Variants in PIK3CA observed in about 807,000 individuals in gnomAD.
The protein encoded by PIK3CA is phosphatidylinositol 4,5-bisphosphate 3-kinase catalytic subunit alpha isoform.
Under a neutral mutation model 138.2 loss-of-function variants are expected in PIK3CA, and 27 were observed. The observed-to-expected ratio is 0.20, with a 90% CI of 0.14 to 0.27. The LOEUF (loss-of-function observed/expected upper bound fraction) is 0.27. Among genes scored for constraint, PIK3CA ranks in the 10% least tolerant of loss-of-function variants. The pLI is 1.00. For synonymous variants in PIK3CA, 358 were observed against 413.2 expected (o/e 0.87, Z 1.62); for missense variants, 544 against 1,277.4 (o/e 0.43, Z 8.75).
At chr3:179,189,941 A>G (rs983238147) in intron 1 of PIK3CA, among the ~76,000 whole-genome samples, 2 of 152,186 alleles carry the variant, frequency 1.3e-5, no homozygotes, top group Non-Finnish European at 2.9e-5. Context: ...CAGAGCTAGT[A>G]TATATTACAG....
At chr3:179,211,086 T>C (rs1274126590) in intron 9 of PIK3CA, among the ~76,000 whole-genome samples, 2 of 152,186 alleles carry the variant, frequency 1.3e-5, no homozygotes, top group Admixed American at 1.3e-4. Context: ...AAGTTAGGTA[T>C]GTCATGAATC....
chr3:179,166,481 T>C (rs1053372081), intron 1 of PIK3CA, among the ~76,000 whole-genome samples: 1 of 152,220 alleles, frequency 6.6e-6, no homozygotes, highest in African/African-American at 2.4e-5. Context: ...AAAAATAAAA[T>C]AATGCCTATT....
intron 6 of PIK3CA, among the ~76,000 whole-genome samples, chr3:179,205,221 T>A (rs1414628733): frequency 1.3e-5 from 2 of 149,930 alleles, no homozygotes; most frequent in Non-Finnish European, 3.0e-5. Context: ...ATATATATAT[T>A]TTACATCATT....
In PIK3CA at chr3:179,240,000, T is replaced by C. The variant is rs1420899454; in HGVS notation, c.*5636T>C. 9.1e-6 allele frequency: 14 copies of C among 1,543,778 alleles called. No individual in the cohort carries two copies. Among genetic ancestry groups the C allele is most frequent in the Non-Finnish European group, 1.2e-5 (14 of 1,142,202 alleles). The stretch of plus-strand genomic sequence containing the variant: ...AAGTTTGGCCTGTGACTGCACTTAC[T>C]GTTTATGCTCATCAGAAACTGTCAA... On this transcript the variant is annotated 3_prime_UTR_variant, in exon 21 of 21. Coordinates refer to ENST00000263967, the MANE Select transcript of PIK3CA (RefSeq NM_006218.4).
chr3:179,208,205 T>A (rs1724618784), intron 6 of PIK3CA, among the ~76,000 whole-genome samples: 1 of 152,208 alleles, frequency 6.6e-6, no homozygotes, highest in African/African-American at 2.4e-5. Flanking sequence ...AATGCTAGAA[T>A]AAATGGAACT....
In PIK3CA at chr3:179,237,206, GTTTT is replaced by G. The variant is rs1725348944; in HGVS notation, c.*2846_*2849del. ...ATCTGTTACTCTTATTGTGGAATTT[GTTTT>G]TTTAAAAAAGATGTTTCTAATTGGA... On this transcript the variant is annotated 3_prime_UTR_variant, in exon 21 of 21. Transcript: ENST00000263967. 5.2e-6 allele frequency: 1 copy of G among 194,114 alleles called. No individual in the cohort carries two copies. The allele number at this position is 194,114 out of a possible 1,614,324, so 12.0% of individuals were successfully genotyped here. A position where few individuals can be genotyped will look rare whatever the true frequency, so the allele number is the denominator to read the frequency against.
intron 10 of PIK3CA, 32 bp downstream of exon 10, chr3:179,218,366 TTTTC>T (rs759170258): frequency 3.1e-5 from 48 of 1,561,410 alleles, no homozygotes; most frequent in Admixed American, 2.7e-4. Context: ...CTCTGTTTCT[TTTTC>T]TTTATTACAG....
chr3:179,173,433 G>C (rs1325849035), intron 1 of PIK3CA, among the ~76,000 whole-genome samples: 1 of 137,900 alleles, frequency 7.3e-6, no homozygotes. Flanking sequence ...AAAAAACTTA[G>C]CCAGGTGTGG....
Position 179,161,688 on chromosome 3 carries a change from C to T in PIK3CA, c.-77+13085C>T, listed in dbSNP as rs1471146903. ...CTCCAGCCTGGGTGACAGAATGAGA[C>T]TCTGTCTCAAAAAGTGATAATAATA... On this transcript the variant is annotated intron_variant, in intron 1 of 20. Transcript: ENST00000263967. Among the ~76,000 whole-genome samples, 9 of 152,254 alleles carry T rather than the reference C, an allele frequency of 5.9e-5. 1 individual carries two copies. The East Asian group carries it at 7.7e-4, about 13-fold the overall frequency.
At chr3:179,156,649 TG>T (rs1332469835) in intron 1 of PIK3CA, among the ~76,000 whole-genome samples, 1 of 152,236 alleles carries the variant, frequency 6.6e-6, no homozygotes, top group African/African-American at 2.4e-5. Flanking sequence ...ATTGATTTAT[TG>T]TTTTTTTCTG....
chr3:179,218,339 G>A lies in PIK3CA; in HGVS notation c.1664+5G>A. The stretch of plus-strand genomic sequence containing the variant: ...AGATTTTCTATGGAGTCACAGGTAA[G>A]TGCTAAAATGGAGATTCTCTGTTTC... On this transcript the variant is annotated splice_donor_5th_base_variant and intron_variant, in intron 10 of 20. Transcript: ENST00000263967. 6.3e-7 allele frequency: 1 copy of A among 1,596,066 alleles called. No homozygotes were observed. The highest frequency in any genetic ancestry group is 1.8e-5 in the Admixed American group (1 of 56,630).
At chr3:179,177,399 G>A (rs1015021226) in intron 1 of PIK3CA, among the ~76,000 whole-genome samples, 6 of 145,544 alleles carry the variant, frequency 4.1e-5, no homozygotes, top group African/African-American at 1.5e-4. Flanking sequence ...TGCAACCTCC[G>A]CCTCCTCGTT....
chr3:179,165,532 C>T (rs1161092596), intron 1 of PIK3CA, among the ~76,000 whole-genome samples: 2 of 152,124 alleles, frequency 1.3e-5, no homozygotes, highest in African/African-American at 2.4e-5. Context: ...CTTAAGATTG[C>T]AGGCATGAGC....
chr3:179,209,951 A>G (rs1724665852), intron 7 of PIK3CA, among the ~76,000 whole-genome samples: 1 of 152,190 alleles, frequency 6.6e-6, no homozygotes, highest in Non-Finnish European at 1.5e-5. Context: ...CAGGGATTGC[A>G]TGCAAATATC....
At position 179,236,266 on chromosome 3, in the gene PIK3CA, T is replaced by C. The variant is rs2108431943; in HGVS notation, c.*1902T>C. ...TAATATTGCCAACAAGAAAAGTAAA[T>C]TTGAAGATTAAGGGAACTTACTTCT... is the stretch of plus-strand genomic sequence containing the variant. On this transcript the variant is annotated 3_prime_UTR_variant, in exon 21 of 21. Coordinates refer to ENST00000263967, the MANE Select transcript of PIK3CA (RefSeq NM_006218.4). 1 of 207,104 alleles carries C rather than the reference T, an allele frequency of 4.8e-6. No individual in the cohort carries two copies. The highest frequency in any genetic ancestry group is 1.9e-4 in the South Asian group (1 of 5,318). The allele number at this position is 207,104 out of a possible 1,614,324, so 12.8% of individuals were successfully genotyped here.
At chr3:179,175,507 C>G (rs1576920821) in intron 1 of PIK3CA, among the ~76,000 whole-genome samples, 1 of 152,186 alleles carries the variant, frequency 6.6e-6, no homozygotes, top group African/African-American at 2.4e-5. Context: ...TGCAGACTTA[C>G]ATTCTTCTCG....
At chr3:179,217,087 C>T (rs1381679642) in intron 9 of PIK3CA, among the ~76,000 whole-genome samples, 1 of 152,074 alleles carries the variant, frequency 6.6e-6, no homozygotes, top group Non-Finnish European at 1.5e-5. Context: ...TGTCTATTGC[C>T]CATCAGGCTC....
At chr3:179,206,046 A>G (rs1331619030) in intron 6 of PIK3CA, among the ~76,000 whole-genome samples, 1 of 150,834 alleles carries the variant, frequency 6.6e-6, no homozygotes, top group Non-Finnish European at 1.5e-5. Context: ...CGTATCATTC[A>G]GGTCAGAAAT....
At chr3:179,213,649 C>G (rs1724771678) in intron 9 of PIK3CA, among the ~76,000 whole-genome samples, 1 of 151,644 alleles carries the variant, frequency 6.6e-6, no homozygotes, top group South Asian at 2.1e-4. Context: ...CACAATAGAA[C>G]TTCTTTCAGA....
Sources: gnomAD v4.1 joint callset for allele counts (sites outside exome capture counted in the v4.1 genomes callset) on GRCh38, gnomAD v4.1.1 for gene constraint, MANE v1.5 for transcripts, NCBI Gene and HGNC (gene_info 2026-07-23, HGNC 2026-07-21) for gene names.